CADM2: variants seen among roughly 807,000 people sequenced by gnomAD.
CADM2 encodes the protein cell adhesion molecule 2.
In CADM2, 12 loss-of-function variants were observed where a neutral mutation model predicts 49.8. The ratio of observed to expected loss-of-function variants is 0.24; its 90% CI spans 0.15 to 0.39. CADM2 has a LOEUF of 0.39. Among genes scored for constraint, CADM2 ranks in the 10% least tolerant of loss-of-function variants. The probability of loss-of-function intolerance (pLI) is 1.00; values close to 1 mark genes in which losing one functional copy is unlikely to be tolerated. For synonymous variants in CADM2, 214 were observed against 175.4 expected (o/e 1.22, Z -1.74); for missense variants, 378 against 492.3 (o/e 0.77, Z 2.20).
chr3:85,253,616 C>G (rs998029695), intron 1 of CADM2, among the ~76,000 whole-genome samples: 1 of 152,034 alleles, frequency 6.6e-6, no homozygotes, highest in African/African-American at 2.4e-5. Context: ...TTTAAGACTC[C>G]TCTGCAACAT....
intron 3 of CADM2, among the ~76,000 whole-genome samples, chr3:85,807,499 C>CAAAAA (rs60644652): frequency 1.2e-5 from 1 of 82,222 alleles, no homozygotes; most frequent in African/African-American, 3.7e-5. Flanking sequence ...AACTCCGTCT[C>CAAAAA]AAAAAAAAAA....
At chr3:85,235,012 A>AT (rs139961348) in intron 1 of CADM2, among the ~76,000 whole-genome samples, 14,468 of 151,834 alleles carry the variant, frequency 0.095, 853 homozygotes, top group African/African-American at 0.17. Context: ...GGTTTGCATT[A>AT]TTAGTGACCT....
chr3:85,392,000 G>A (rs1471150126), intron 1 of CADM2, among the ~76,000 whole-genome samples: 2 of 152,096 alleles, frequency 1.3e-5, no homozygotes, highest in African/African-American at 2.4e-5. Flanking sequence ...CAAGCTTCCT[G>A]TCATATTTTG....
chr3:86,045,311 T>C (rs1237837553), intron 8 of CADM2, among the ~76,000 whole-genome samples: 1 of 152,150 alleles, frequency 6.6e-6, no homozygotes, highest in African/African-American at 2.4e-5. Flanking sequence ...GTGATTTAAA[T>C]CGAATGGCTG....
chr3:85,099,232 G>A (rs1455638351), intron 1 of CADM2, among the ~76,000 whole-genome samples: 1 of 152,012 alleles, frequency 6.6e-6, no homozygotes, highest in African/African-American at 2.4e-5. Flanking sequence ...ATTTAGAAGG[G>A]GATGTTCCTG....
chr3:85,491,910 C>A (rs2039691146), intron 1 of CADM2, among the ~76,000 whole-genome samples: 1 of 150,772 alleles, frequency 6.6e-6, no homozygotes, highest in Admixed American at 6.6e-5. Flanking sequence ...GGAGATCGCG[C>A]CACTGCACTC....
chr3:86,025,714 A>G (rs1400005007), intron 8 of CADM2, among the ~76,000 whole-genome samples: 1 of 152,206 alleles, frequency 6.6e-6, no homozygotes, highest in African/African-American at 2.4e-5. Context: ...TTAAAAATTA[A>G]ATGTAACAAA....
chr3:85,117,858 G>T (rs1203539570), intron 1 of CADM2, among the ~76,000 whole-genome samples: 1 of 151,938 alleles, frequency 6.6e-6, no homozygotes. Context: ...TTATATTTTG[G>T]GAGGAGTTTT....
At chr3:85,537,616 CATGTCATGACTAT>C (rs2061453959) in intron 1 of CADM2, among the ~76,000 whole-genome samples, 1 of 42,302 alleles carries the variant, frequency 2.4e-5, no homozygotes, top group South Asian at 7.8e-4. Context: ...TGCTATTTAA[CATGTCATGACTAT>C]TTAACATGTC....
intron 1 of CADM2, among the ~76,000 whole-genome samples, chr3:85,475,152 G>A (rs1288101894): frequency 6.6e-6 from 1 of 151,916 alleles, no homozygotes; most frequent in Non-Finnish European, 1.5e-5. Flanking sequence ...ATATAGATTA[G>A]ACAAATGTTC....
chr3:85,784,125 A>G (rs2108004953), intron 2 of CADM2, among the ~76,000 whole-genome samples: 1 of 152,328 alleles, frequency 6.6e-6, no homozygotes, highest in African/African-American at 2.4e-5. Context: ...TGTATTCAAA[A>G]GTGTATCTTT....
intron 3 of CADM2, among the ~76,000 whole-genome samples, chr3:85,803,888 C>T (rs1266709484): frequency 6.6e-6 from 1 of 152,092 alleles, no homozygotes; most frequent in Non-Finnish European, 1.5e-5. Context: ...GTCATATTGA[C>T]ATTTAATATA....
In CADM2 at chr3:86,072,050, C is replaced by G. The variant is rs117456432; in HGVS notation, c.*5267C>G. 1 of 151,734 alleles carries G rather than the reference C, an allele frequency of 6.6e-6. No individual in the cohort carries two copies. The highest frequency in any genetic ancestry group is 2.4e-5 in the African/African-American group (1 of 41,374). 9.4% of individuals were successfully genotyped at this position (151,734 alleles called of 1,614,324 possible). The stretch of plus-strand genomic sequence containing the variant: ...TAATAAATAATCCTCATATAATGCA[C>G]AGTATTGCCACAAATGCCCACTTCA... On this transcript the variant is annotated 3_prime_UTR_variant, in exon 10 of 10. Coordinates refer to ENST00000383699, the MANE Select transcript of CADM2 (RefSeq NM_001167675.2).
At chr3:85,830,368 A>T (rs2074130368) in intron 3 of CADM2, among the ~76,000 whole-genome samples, 1 of 151,832 alleles carries the variant, frequency 6.6e-6, no homozygotes, top group Admixed American at 6.6e-5. Flanking sequence ...TAAGAAGATT[A>T]TTTGTTTTCT....
At chr3:85,700,678 G>A (rs2066727042) in intron 1 of CADM2, among the ~76,000 whole-genome samples, 1 of 152,080 alleles carries the variant, frequency 6.6e-6, no homozygotes, top group Non-Finnish European at 1.5e-5. Context: ...AATGCCACCA[G>A]CTTCTTTGCT....
intron 1 of CADM2, among the ~76,000 whole-genome samples, chr3:85,015,629 C>G (rs17479424): frequency 0.045 from 6,883 of 152,068 alleles, 189 homozygotes; most frequent in African/African-American, 0.069. Flanking sequence ...CGGGGAAAAA[C>G]AAGTATATCG....
chr3:85,569,935 A>C (rs1269722652), intron 1 of CADM2, among the ~76,000 whole-genome samples: 1 of 152,114 alleles, frequency 6.6e-6, no homozygotes, highest in African/African-American at 2.4e-5. Flanking sequence ...GAATTATGTA[A>C]ATTCCATGGA....
At chr3:84,999,584 G>C (rs922862822) in intron 1 of CADM2, among the ~76,000 whole-genome samples, 1 of 152,100 alleles carries the variant, frequency 6.6e-6, no homozygotes, top group Non-Finnish European at 1.5e-5. Context: ...GCATGAAATA[G>C]ACCTTAAAAA....
intron 3 of CADM2, among the ~76,000 whole-genome samples, chr3:85,826,658 T>C (rs2073927861): frequency 6.6e-6 from 1 of 151,908 alleles, no homozygotes; most frequent in African/African-American, 2.4e-5. Flanking sequence ...ACATTTTTCT[T>C]TGAATTTAAC....
Sources: gnomAD v4.1 joint callset for allele counts (sites outside exome capture counted in the v4.1 genomes callset) on GRCh38, gnomAD v4.1.1 for gene constraint, MANE v1.5 for transcripts, NCBI Gene and HGNC (gene_info 2026-07-23, HGNC 2026-07-21) for gene names.